The following FAM13B variants were observed in gnomAD, a reference collection of about 807,000 sequenced individuals.
FAM13B encodes protein FAM13B.
In FAM13B, 60 loss-of-function variants were observed where a neutral mutation model predicts 117.3. That is an observed-to-expected ratio of 0.51 (90% CI 0.42 to 0.63). The LOEUF (loss-of-function observed/expected upper bound fraction) is 0.63. Among genes scored for constraint, FAM13B ranks in the 30% least tolerant of loss-of-function variants. FAM13B has a pLI of 0.00. For synonymous variants in FAM13B, 332 were observed against 356.1 expected, an observed-to-expected ratio of 0.93 and a Z score of 0.76; for missense variants, 972 against 1,091.9, an observed-to-expected ratio of 0.89 and a Z score of 1.55.
At chr5:138,041,077 A>G (rs553993848) in intron 1 of FAM13B, among the ~76,000 whole-genome samples, 14 of 151,840 alleles carry the variant, frequency 9.2e-5, no homozygotes, top group East Asian at 1.9e-4. Flanking sequence ...AAAAAAAAAA[A>G]AAAAGAAAAG....
chr5:138,018,298 T>C lies in FAM13B; in HGVS notation c.370+4A>G. The C allele has an allele frequency of 6.2e-7, 1 of 1,610,384 alleles. No homozygotes were observed. The highest frequency in any genetic ancestry group is 8.5e-7 in the Non-Finnish European group (1 of 1,176,736). On this transcript the variant is annotated splice_donor_region_variant and intron_variant, in intron 4 of 23. Transcript: ENST00000689681. ...ACCAATTGATAAGTATCAAATTATGTTACCTTGAGAAAGCTGCATCAAGTG... is the reference window on the plus strand; with the variant it reads ...ACCAATTGATAAGTATCAAATTATGCTACCTTGAGAAAGCTGCATCAAGTG...
chr5:138,045,003 G>C (rs970742503), intron 1 of FAM13B, among the ~76,000 whole-genome samples: 1 of 152,214 alleles, frequency 6.6e-6, no homozygotes, highest in Non-Finnish European at 1.5e-5. Context: ...TGATGTGGAA[G>C]AGCAGAATCT....
chr5:137,986,500 G>T (rs943441995), intron 9 of FAM13B, among the ~76,000 whole-genome samples: 2 of 150,578 alleles, frequency 1.3e-5, no homozygotes, highest in African/African-American at 4.9e-5. Context: ...AGGCACACAG[G>T]TATCCTGAAA....
Position 137,939,454 on chromosome 5 carries a change from T to A in FAM13B, c.*771A>T, listed in dbSNP as rs973335904. 6.5e-6 allele frequency: 1 copy of A among 152,840 alleles called. No homozygotes were observed. The highest frequency in any genetic ancestry group is 1.5e-5 in the Non-Finnish European group (1 of 68,254). 9.5% of individuals were successfully genotyped at this position (152,840 alleles called of 1,614,324 possible). A position where few individuals can be genotyped will look rare whatever the true frequency, so the allele number is the denominator to read the frequency against. On this transcript the variant is annotated 3_prime_UTR_variant, in exon 24 of 24. Transcript: ENST00000689681. ...GATCTGATCCAGACAAATCACACCATTGCCAGCGGATAAACAGTAACTCAG... is the reference window on the plus strand; with the variant it reads ...GATCTGATCCAGACAAATCACACCAATGCCAGCGGATAAACAGTAACTCAG...
At chr5:138,030,254 T>C (rs375379815) in intron 1 of FAM13B, among the ~76,000 whole-genome samples, 1 of 152,140 alleles carries the variant, frequency 6.6e-6, no homozygotes, top group East Asian at 1.9e-4. Context: ...AGGTTTCTTG[T>C]TTTGTTTTTT....
At chr5:137,943,300 C>G in intron 20 of FAM13B, 84 bp from the exon 21 acceptor site, 1 of 1,053,624 alleles carries the variant, frequency 9.5e-7, no homozygotes, top group Non-Finnish European at 1.4e-6. Flanking sequence ...TGTTACGAAT[C>G]TTCAACTTTA....
At chr5:137,987,703 T>C in intron 8 of FAM13B, 87 bp from the exon 9 acceptor site, 1 of 1,266,856 alleles carries the variant, frequency 7.9e-7, no homozygotes, top group Non-Finnish European at 1.1e-6. Flanking sequence ...CTATGACCAG[T>C]AAAACTATTA....
At chr5:138,020,968 G>C in intron 2 of FAM13B, 63 bp downstream of exon 2, 1 of 1,118,586 alleles carries the variant, frequency 8.9e-7, no homozygotes, top group Non-Finnish European at 1.1e-6. Flanking sequence ...CAGCTACAGG[G>C]GCAAGTTCCA....
chr5:138,030,925 C>A (rs988506317), intron 1 of FAM13B, among the ~76,000 whole-genome samples: 1 of 151,686 alleles, frequency 6.6e-6, no homozygotes, highest in East Asian at 1.9e-4. Context: ...CCTAGCTACT[C>A]GGGAGGCTAA....
chr5:138,026,027 A>G (rs1302149750), intron 1 of FAM13B, among the ~76,000 whole-genome samples: 1 of 152,340 alleles, frequency 6.6e-6, no homozygotes, highest in South Asian at 2.1e-4. Context: ...GTAGAGCACC[A>G]ATATCAATAC....
intron 10 of FAM13B, among the ~76,000 whole-genome samples, chr5:137,983,260 G>A (rs1371996190): frequency 1.4e-5 from 2 of 145,842 alleles, no homozygotes; most frequent in African/African-American, 5.1e-5. Flanking sequence ...GTATATCAAG[G>A]TAGTGGGAGT....
chr5:137,975,815 CT>C, intron 10 of FAM13B, among the ~76,000 whole-genome samples: 1 of 151,742 alleles, frequency 6.6e-6, no homozygotes. Flanking sequence ...CCTAACTACC[CT>C]GGGTTTTTTT....
At chr5:137,980,459 T>C (rs994996004) in intron 10 of FAM13B, among the ~76,000 whole-genome samples, 4 of 149,094 alleles carry the variant, frequency 2.7e-5, no homozygotes, top group Non-Finnish European at 5.9e-5. Flanking sequence ...TTTTTTTTTT[T>C]TGAGACAGGG....
chr5:137,992,718 T>C (rs988968442), intron 7 of FAM13B, among the ~76,000 whole-genome samples: 5 of 152,222 alleles, frequency 3.3e-5, no homozygotes, highest in African/African-American at 1.2e-4. Context: ...TACTGTTATA[T>C]GCTCACAAGA....
chr5:138,027,689 T>C (rs374807174), intron 1 of FAM13B, among the ~76,000 whole-genome samples: 2 of 152,236 alleles, frequency 1.3e-5, no homozygotes, highest in African/African-American at 4.8e-5. Context: ...CAAATGTTCA[T>C]AGACGCTACT....
In FAM13B at chr5:137,988,335, T is replaced by G; in HGVS notation, c.849-20A>C. On this transcript the variant is annotated intron_variant, in intron 7 of 23. Transcript: ENST00000689681. ...TGGGTGCTGCAATCAAAGAAAGAAA[T>G]TAGCTATAAAAATGTTCAATACTTA... 6.4e-7 allele frequency: 1 copy of G among 1,554,492 alleles called. No homozygotes were observed. The highest frequency in any genetic ancestry group is 1.2e-5 in the South Asian group (1 of 80,598).
chr5:138,031,923 C>G (rs781079715), intron 1 of FAM13B, among the ~76,000 whole-genome samples: 6 of 152,126 alleles, frequency 3.9e-5, no homozygotes, highest in Non-Finnish European at 8.8e-5. Flanking sequence ...CAGGTGCACC[C>G]CAGTTAATGT....
chr5:138,019,942 G>C, intron 2 of FAM13B: 1 of 745,412 alleles, frequency 1.3e-6, no homozygotes, highest in Non-Finnish European at 1.6e-6. Context: ...GGCCCCCAAA[G>C]TGCTGGGATT....
At chr5:138,023,340 A>G (rs137867229) in intron 1 of FAM13B, among the ~76,000 whole-genome samples, 1 of 152,300 alleles carries the variant, frequency 6.6e-6, no homozygotes, top group African/African-American at 2.4e-5. Flanking sequence ...AGCAGTTATG[A>G]TATGCCAGGC....
Sources: gnomAD v4.1 joint callset for allele counts (sites outside exome capture counted in the v4.1 genomes callset) on GRCh38, gnomAD v4.1.1 for gene constraint, MANE v1.5 for transcripts, NCBI Gene and HGNC (gene_info 2026-07-23, HGNC 2026-07-21) for gene names.